The following SLC12A2 variants were observed in gnomAD, a reference collection of about 807,000 sequenced individuals.
SLC12A2 encodes Na-K-2Cl cotransporter 1.
Under a neutral mutation model 136.3 loss-of-function variants are expected in SLC12A2, and 67 were observed. That is an observed-to-expected ratio of 0.49 (90% confidence interval 0.40 to 0.60). SLC12A2 has a LOEUF of 0.60. Among genes scored for constraint, SLC12A2 ranks in the 20% least tolerant of loss-of-function variants. The probability of loss-of-function intolerance (pLI) is 0.00; values close to 1 mark genes in which losing one functional copy is unlikely to be tolerated. For synonymous variants in SLC12A2, 619 were observed against 562.9 expected, an observed-to-expected ratio of 1.10 and a Z score of -1.41; for missense variants, 1,322 against 1,534.7, an observed-to-expected ratio of 0.86 and a Z score of 2.32.
At chr5:128,158,691 C>A (rs148217569) in intron 16 of SLC12A2, among the ~76,000 whole-genome samples, 22 of 152,144 alleles carry the variant, frequency 1.4e-4, no homozygotes, top group Non-Finnish European at 2.9e-4. Context: ...TATGGTAGAA[C>A]AATTTATGTT....
At chr5:128,156,024 C>T (rs1299729893) in intron 15 of SLC12A2, among the ~76,000 whole-genome samples, 1 of 152,114 alleles carries the variant, frequency 6.6e-6, no homozygotes, top group African/African-American at 2.4e-5. Flanking sequence ...CTCTCTCCAG[C>T]AAATAAGCCC....
intron 24 of SLC12A2, among the ~76,000 whole-genome samples, chr5:128,183,945 G>A (rs1763788091): frequency 6.6e-6 from 1 of 151,802 alleles, no homozygotes; most frequent in African/African-American, 2.4e-5. Context: ...CAAATGCTTG[G>A]GATCAACCAA....
Position 128,167,876 on chromosome 5 carries a change from C to G in SLC12A2, c.2723+9C>G. On this transcript the variant is annotated intron_variant, in intron 18 of 26. Coordinates refer to ENST00000262461, the MANE Select transcript of SLC12A2 (RefSeq NM_001046.3). ...TATATAAACTTATTTCAGTAAGTAT[C>G]TTTTTAATTCAATAATTTAGTTCAT... 7.1e-7 allele frequency: 1 copy of G among 1,409,226 alleles called. No homozygotes were observed. The allele number at this position is 1,409,226 out of a possible 1,614,324, so 87.3% of individuals were successfully genotyped here.
chr5:128,150,637 T>A (rs1762672706), intron 13 of SLC12A2, among the ~76,000 whole-genome samples: 1 of 151,790 alleles, frequency 6.6e-6, no homozygotes, highest in South Asian at 2.1e-4. Context: ...AATTATTTTT[T>A]TAAAATAATT....
intron 4 of SLC12A2, among the ~76,000 whole-genome samples, chr5:128,116,050 T>A (rs1331846792): frequency 6.6e-6 from 1 of 152,202 alleles, no homozygotes; most frequent in African/African-American, 2.4e-5. Flanking sequence ...TGAGAGATTC[T>A]TTTTGGCTTC....
rs746036719 is a variant in SLC12A2 at position 128,114,298 on chromosome 5, T to G, written c.952+11T>G. 1.3e-6 allele frequency: 2 copies of G among 1,599,600 alleles called. No individual in the cohort carries two copies. Among genetic ancestry groups the G allele is most frequent in the Non-Finnish European group, 8.6e-7 (1 of 1,167,670 alleles). ...GTCAAGCTGGAATAGGTAAGTGAAGTTATATCCTGCTTGATTTGAGAATAA... is the reference window on the plus strand; with the variant it reads ...GTCAAGCTGGAATAGGTAAGTGAAGGTATATCCTGCTTGATTTGAGAATAA... On this transcript the variant is annotated intron_variant, in intron 3 of 26. Transcript: ENST00000262461.
At chr5:128,182,568 A>C (rs779136265) in intron 23 of SLC12A2, among the ~76,000 whole-genome samples, 1 of 152,120 alleles carries the variant, frequency 6.6e-6, no homozygotes, top group African/African-American at 2.4e-5. Context: ...AAATTAACTT[A>C]AGAAACATTA....
chr5:128,093,898 T>TCTA (rs1760428229), intron 1 of SLC12A2, among the ~76,000 whole-genome samples: 1 of 152,126 alleles, frequency 6.6e-6, no homozygotes, highest in African/African-American at 2.4e-5. Flanking sequence ...CTATTTCTGG[T>TCTA]TTGCCTCTTC....
At chr5:128,123,065 T>C (rs933810913) in intron 4 of SLC12A2, among the ~76,000 whole-genome samples, 1 of 152,156 alleles carries the variant, frequency 6.6e-6, no homozygotes, top group Admixed American at 6.5e-5. Flanking sequence ...TCTTTACTCA[T>C]TGGTGACCTT....
At position 128,178,604 on chromosome 5, in the gene SLC12A2, C is replaced by A; in HGVS notation, c.3015C>A (p.Asp1005Glu). ...KGPIVPLNVA[D>E]QKLLEASTQF... ...CTATTGTGCCTTTAAATGTAGCTGA[C>A]CAAAAGCTTCTTGAAGCTAGTACAC... Residue 1005 changes from aspartate (D) to glutamate (E), a missense_variant, in exon 22 of 27, where the codon GAC becomes GAA. By Grantham distance (45) the Asp-to-Glu change is conservative. This residue lies in a region of SLC12A2 where 226 missense variants were observed against 210.4 expected (regional missense o/e 1.07). Transcript: ENST00000262461. 6.3e-7 allele frequency: 1 copy of A among 1,598,356 alleles called. No individual in the cohort carries two copies. The highest frequency in any genetic ancestry group is 8.5e-7 in the Non-Finnish European group (1 of 1,172,472).
At chr5:128,119,843 C>A (rs531269611) in intron 4 of SLC12A2, among the ~76,000 whole-genome samples, 34 of 152,106 alleles carry the variant, frequency 2.2e-4, no homozygotes, top group Non-Finnish European at 4.4e-4. Flanking sequence ...ACAACAAAAG[C>A]CAAAATTGAC....
At chr5:128,134,065 A>G (rs1026744134) in intron 5 of SLC12A2, 100 bp from the exon 6 acceptor site, 2 of 629,838 alleles carry the variant, frequency 3.2e-6, no homozygotes, top group Non-Finnish European at 5.7e-6. Flanking sequence ...CAACTTCTTC[A>G]TGTAAGGCAC....
At chr5:128,166,810 TTTTA>T (rs1230412569) in intron 17 of SLC12A2, among the ~76,000 whole-genome samples, 9 of 152,214 alleles carry the variant, frequency 5.9e-5, no homozygotes, top group East Asian at 1.9e-4. Context: ...TGACAATTTT[TTTTA>T]TTTATCTTTT....
At chr5:128,170,268 CTTATAG>C (rs1763331106) in intron 18 of SLC12A2, 1 of 152,050 alleles carries the variant, frequency 6.6e-6, no homozygotes, top group African/African-American at 2.4e-5. Context: ...TTTTAAAATG[CTTATAG>C]TTATTTTTTC....
intron 10 of SLC12A2, among the ~76,000 whole-genome samples, chr5:128,143,443 TTAG>T (rs1762433103): frequency 6.6e-6 from 1 of 152,126 alleles, no homozygotes; most frequent in East Asian, 1.9e-4. Context: ...ACTAGACAGG[TTAG>T]TAGTACTTCT....
intron 20 of SLC12A2, among the ~76,000 whole-genome samples, 161 bp from the exon 21 acceptor site, chr5:128,176,944 A>G (rs1041105917): frequency 6.6e-6 from 1 of 152,098 alleles, no homozygotes; most frequent in Non-Finnish European, 1.5e-5. Flanking sequence ...AAAAGCTTCA[A>G]CACTCAGTGC....
At chr5:128,134,130 G>A (rs768460346) in intron 5 of SLC12A2, 35 bp from the exon 6 acceptor site, 8 of 1,088,022 alleles carry the variant, frequency 7.4e-6, no homozygotes, top group South Asian at 1.3e-5. Context: ...AAAATAACTA[G>A]TATTGCTTAT....
intron 1 of SLC12A2, among the ~76,000 whole-genome samples, chr5:128,107,051 T>G (rs1269457839): frequency 6.6e-6 from 1 of 152,194 alleles, no homozygotes; most frequent in South Asian, 2.1e-4. Flanking sequence ...ATAAGGGAAC[T>G]CCTCCTTAAA....
At chr5:128,110,282 A>T in intron 1 of SLC12A2, 1 of 812,322 alleles carries the variant, frequency 1.2e-6, no homozygotes, top group Non-Finnish European at 2.2e-6. Context: ...TTCCAAGGAT[A>T]TCGTGATGCC....
Sources: gnomAD v4.1 joint callset for allele counts (sites outside exome capture counted in the v4.1 genomes callset) on GRCh38, gnomAD v4.1.1 for gene constraint, gnomAD v4.1.1 regional missense constraint, MANE v1.5 for transcripts, NCBI Gene and HGNC (gene_info 2026-07-23, HGNC 2026-07-21) for gene names.